The following TXNDC16 variants were observed in gnomAD, a reference collection of about 807,000 sequenced individuals.
TXNDC16 encodes thioredoxin domain containing 16, also known as thioredoxin domain-containing protein 16.
In TXNDC16, 74 loss-of-function variants were observed where a neutral mutation model predicts 85.6. The ratio of observed to expected loss-of-function variants is 0.86; its 90% CI spans 0.72 to 1.05. The LOEUF is 1.05. Among genes scored for constraint, TXNDC16 ranks in the 50% least tolerant of loss-of-function variants. The pLI is 0.00. For missense variants in TXNDC16, 959 were observed against 947.0 expected, an observed-to-expected ratio of 1.01 and a Z score of -0.17; for synonymous variants, 335 against 326.5, an observed-to-expected ratio of 1.03 and a Z score of -0.28.
intron 18 of TXNDC16, among the ~76,000 whole-genome samples, chr14:52,455,039 C>T (rs1282441153): frequency 6.6e-6 from 1 of 152,154 alleles, no homozygotes; most frequent in African/African-American, 2.4e-5. Flanking sequence ...GGCAGGCTGA[C>T]CTTCCAGAAT....
chr14:52,521,257 C>A (rs560608016), intron 6 of TXNDC16, among the ~76,000 whole-genome samples: 2 of 150,100 alleles, frequency 1.3e-5, no homozygotes, highest in East Asian at 3.9e-4. Context: ...GGACTACAGG[C>A]GTGCACCCCC....
intron 13 of TXNDC16, 55 bp from the exon 14 acceptor site, chr14:52,482,344 A>G: frequency 2.1e-6 from 3 of 1,395,732 alleles, no homozygotes; most frequent in Non-Finnish European, 3.0e-6. Context: ...CAAAGCATCC[A>G]CACTGATATG....
At chr14:52,476,144 A>G (rs2036015637) in intron 14 of TXNDC16, among the ~76,000 whole-genome samples, 1 of 152,146 alleles carries the variant, frequency 6.6e-6, no homozygotes, top group South Asian at 2.1e-4. Flanking sequence ...TACTACATCA[A>G]GGGAACACTC....
intron 19 of TXNDC16, 81 bp from the exon 20 acceptor site, chr14:52,439,475 C>T (rs949101979): frequency 7.9e-7 from 1 of 1,271,310 alleles, no homozygotes; most frequent in Non-Finnish European, 1.1e-6. Flanking sequence ...GAACATTAAA[C>T]TTTTAAGTAG....
intron 6 of TXNDC16, among the ~76,000 whole-genome samples, chr14:52,525,733 AATAATAATAAT>A (rs1298635496): frequency 7.0e-4 from 101 of 144,212 alleles, no homozygotes; most frequent in South Asian, 1.8e-3. Flanking sequence ...TAATAATAAT[AATAATAATAAT>A]AAATAAAAAT....
intron 6 of TXNDC16, among the ~76,000 whole-genome samples, chr14:52,530,365 T>TTATTATATAATATTA (rs1491316062): frequency 5.6e-5 from 2 of 35,768 alleles, no homozygotes; most frequent in Non-Finnish European, 8.6e-5. Flanking sequence ...ATAATATATA[T>TTATTATATAATATTA]TATTATATAA....
Position 52,520,325 on chromosome 14 carries a change from T to G in TXNDC16, c.393-1032A>C, listed in dbSNP as rs557984519. Among the ~76,000 whole-genome samples, 14 of 152,358 alleles carry G rather than the reference T, an allele frequency of 9.2e-5. 1 individual carries two copies. In the East Asian group the frequency reaches 2.5e-3, roughly 27 times the overall value. On this transcript the variant is annotated intron_variant, in intron 6 of 20. Transcript: ENST00000281741. The stretch of plus-strand genomic sequence containing the variant: ...TATTCATCCAAAATTATCCCTTTTT[T>G]AAAGTTGTCTACTTCTGGCCGAGCA...
At chr14:52,463,050 C>A in intron 16 of TXNDC16, 1 of 448,426 alleles carries the variant, frequency 2.2e-6, no homozygotes, top group Non-Finnish European at 4.5e-6. Flanking sequence ...GTTCATACTA[C>A]CTACAATATT....
At chr14:52,530,633 A>G (rs1191625041) in intron 6 of TXNDC16, among the ~76,000 whole-genome samples, 1 of 109,310 alleles carries the variant, frequency 9.1e-6, no homozygotes, top group Non-Finnish European at 1.8e-5. Flanking sequence ...GTATATACAT[A>G]TATATAAAAA....
At chr14:52,446,445 C>T (rs2035286219) in intron 18 of TXNDC16, among the ~76,000 whole-genome samples, 1 of 152,168 alleles carries the variant, frequency 6.6e-6, no homozygotes, top group Non-Finnish European at 1.5e-5. Flanking sequence ...GACTTGTCAC[C>T]TCAGGCTGGA....
chr14:52,527,526 T>C (rs535113235), intron 6 of TXNDC16, among the ~76,000 whole-genome samples: 63 of 152,244 alleles, frequency 4.1e-4, no homozygotes, highest in African/African-American at 1.5e-3. Flanking sequence ...TATTCCACAG[T>C]AAAAGATAAG....
intron 16 of TXNDC16, among the ~76,000 whole-genome samples, chr14:52,466,932 C>A (rs543860730): frequency 1.3e-5 from 2 of 150,680 alleles, no homozygotes; most frequent in East Asian, 3.9e-4. Flanking sequence ...AGCAGATATC[C>A]AAATCAGTTA....
In TXNDC16 at chr14:52,462,695, C is replaced by T. The variant is rs944609187; in HGVS notation, c.1619-5521G>A. On this transcript the variant is annotated intron_variant, in intron 16 of 20. Transcript: ENST00000281741. ...AAAAATACTGAAATCTTTTCAGAAGCTTCTGCACACCAATAGGCATCCCTG... is the reference window on the plus strand; with the variant it reads ...AAAAATACTGAAATCTTTTCAGAAGTTTCTGCACACCAATAGGCATCCCTG... 3.1e-5 allele frequency: 9 copies of T among 292,628 alleles called. No individual in the cohort carries two copies. The Admixed American group carries it at 3.3e-4, about 11-fold the overall frequency. 18.1% of individuals were successfully genotyped at this position (292,628 alleles called of 1,614,324 possible).
At chr14:52,502,136 T>C (rs917723294) in intron 9 of TXNDC16, among the ~76,000 whole-genome samples, 4 of 152,250 alleles carry the variant, frequency 2.6e-5, no homozygotes, top group Non-Finnish European at 5.9e-5. Flanking sequence ...TGATCTTCAA[T>C]TCAGCCTTTC....
intron 4 of TXNDC16, among the ~76,000 whole-genome samples, chr14:52,539,660 G>A (rs187734731): frequency 5.0e-4 from 76 of 152,260 alleles, no homozygotes; most frequent in Non-Finnish European, 7.5e-4. Context: ...ATGGCAGGAA[G>A]AAGTAAAAAT....
At chr14:52,447,714 C>T (rs2035317719) in intron 18 of TXNDC16, among the ~76,000 whole-genome samples, 1 of 152,078 alleles carries the variant, frequency 6.6e-6, no homozygotes, top group Admixed American at 6.5e-5. Flanking sequence ...GAGACCAATC[C>T]TGGAGAAACA....
intron 1 of TXNDC16, among the ~76,000 whole-genome samples, chr14:52,549,125 C>T (rs1345645280): frequency 1.3e-5 from 2 of 152,182 alleles, no homozygotes; most frequent in Non-Finnish European, 1.5e-5. Context: ...ACTACAGATA[C>T]ACCTCCCAAC....
intron 9 of TXNDC16, among the ~76,000 whole-genome samples, chr14:52,508,093 C>T (rs1221995040): frequency 6.6e-6 from 1 of 152,124 alleles, no homozygotes; most frequent in Non-Finnish European, 1.5e-5. Context: ...AGAGCTTCTG[C>T]ACAGCAAAAG....
At position 52,452,126 on chromosome 14, in the gene TXNDC16, A is replaced by C. The variant is rs111630454; in HGVS notation, c.1842+3198T>G. Among the ~76,000 whole-genome samples, 642 of 152,282 alleles carry C rather than the reference A, an allele frequency of 4.2e-3. 5 individuals carry two copies. The highest frequency in any genetic ancestry group is 0.015 in the African/African-American group (624 of 41,574). ...TTAAATACCCAGGAATTAACTAAAGAAGTGAAAGATCTCTACGATGAAAAC... is the reference window on the plus strand; with the variant it reads ...TTAAATACCCAGGAATTAACTAAAGCAGTGAAAGATCTCTACGATGAAAAC... On this transcript the variant is annotated intron_variant, in intron 18 of 20. Transcript: ENST00000281741.
Sources: gnomAD v4.1 joint callset for allele counts (sites outside exome capture counted in the v4.1 genomes callset) on GRCh38, gnomAD v4.1.1 for gene constraint, MANE v1.5 for transcripts, NCBI Gene and HGNC (gene_info 2026-07-23, HGNC 2026-07-21) for gene names.